The following ARHGAP27 variants were observed in gnomAD, a reference collection of about 807,000 sequenced individuals.
ARHGAP27 encodes rho GTPase-activating protein 27.
Under a neutral mutation model 102.0 loss-of-function variants are expected in ARHGAP27, and 53 were observed. The ratio of observed to expected loss-of-function variants is 0.52; its 90% CI spans 0.42 to 0.65. ARHGAP27 has a LOEUF of 0.65. ARHGAP27 is among the 30% of genes least tolerant of loss of function. The pLI is 0.00. For synonymous variants in ARHGAP27, 525 were observed against 542.8 expected (o/e 0.97, Z 0.46); for missense variants, 1,117 against 1,256.2 (o/e 0.89, Z 1.68).
chr17:45,422,857 A>G (rs919879897), intron 4 of ARHGAP27, among the ~76,000 whole-genome samples: 1 of 152,224 alleles, frequency 6.6e-6, no homozygotes, highest in African/African-American at 2.4e-5. Flanking sequence ...TTTGATGCAG[A>G]TAGTACCTTA....
chr17:45,429,419 A>C (rs746372185), intron 4 of ARHGAP27: 76 of 1,391,358 alleles, frequency 5.5e-5, no homozygotes, highest in Non-Finnish European at 6.9e-5. Context: ...GGAGCTTTGG[A>C]GCTTGGGAAT....
At position 45,429,965 on chromosome 17, in the gene ARHGAP27, G is replaced by A; in HGVS notation, c.315C>T (p.Gly105=). Residue 105 remains glycine, a synonymous_variant, in exon 4 of 20, where the codon GGC becomes GGT. Coordinates refer to ENST00000685559, the MANE Select transcript of ARHGAP27 (RefSeq NM_001282290.2). The part of the protein sequence containing the change: ...YRFVSAAATA[G]PDGAPEESGG... Reference sequence around the variant, plus strand: ...CGGACTCCTCGGGGGCGCCGTCGGGGCCCGCGGTCGCCGCCGCGCTCACAA... The same window carrying A: ...CGGACTCCTCGGGGGCGCCGTCGGGACCCGCGGTCGCCGCCGCGCTCACAA... 1 of 1,139,974 alleles carries A rather than the reference G, an allele frequency of 8.8e-7. No homozygotes were observed. The highest frequency in any genetic ancestry group is 1.1e-6 in the Non-Finnish European group (1 of 930,930). The allele number at this position is 1,139,974 out of a possible 1,614,324, so 70.6% of individuals were successfully genotyped here.
chr17:45,401,913 G>A (rs780816939), intron 12 of ARHGAP27, among the ~76,000 whole-genome samples: 1 of 152,016 alleles, frequency 6.6e-6, no homozygotes, highest in South Asian at 2.1e-4. Context: ...GTTTTTCATG[G>A]TCCTGGCTTT....
intron 12 of ARHGAP27, among the ~76,000 whole-genome samples, chr17:45,402,204 C>T (rs1483224244): frequency 1.3e-5 from 2 of 152,116 alleles, no homozygotes; most frequent in African/African-American, 4.8e-5. Context: ...AAGAGGTTTC[C>T]CAACCAGGCC....
rs529178569 is a variant in ARHGAP27, at chr17:45,403,842, G to A, written c.1548-133C>T. 2,320 of 982,394 alleles carry A rather than the reference G, an allele frequency of 2.4e-3. 6 individuals are homozygous for A. Among genetic ancestry groups the A allele is most frequent in the Middle Eastern group, 3.2e-3 (10 of 3,118 alleles). The allele number at this position is 982,394 out of a possible 1,614,324, so 60.9% of individuals were successfully genotyped here. ...ACCCCATTATGAGGGCTGGAATCCCGACTCTAACACCTAGCAGCCGAGGGA... is the reference window on the plus strand; with the variant it reads ...ACCCCATTATGAGGGCTGGAATCCCAACTCTAACACCTAGCAGCCGAGGGA... On this transcript the variant is annotated intron_variant, in intron 10 of 19. Transcript: ENST00000685559.
rs774394681 is a variant in ARHGAP27 at position 45,395,466 on chromosome 17, G to A, written c.2660C>T (p.Pro887Leu). 5 of 1,563,560 alleles carry A rather than the reference G, an allele frequency of 3.2e-6. No individual in the cohort carries two copies. In the African/African-American group the frequency reaches 6.8e-5, roughly 21 times the overall value. Residue 887 changes from proline (P) to leucine (L), a missense_variant, in exon 20 of 20, where the codon CCG becomes CTG. Transcript: ENST00000685559. Reference protein sequence around the residue: ...LILQQCADIFPPH With the variant: ...LILQQCADIFLPH ...GTCACAGGCCAGCAGTCAGTGCGGC[G>A]GGAAGATGTCCGCGCACTGCTGCAG...
intron 12 of ARHGAP27, among the ~76,000 whole-genome samples, chr17:45,399,486 G>T (rs1597773101): frequency 6.6e-6 from 1 of 151,894 alleles, no homozygotes; most frequent in Admixed American, 6.6e-5. Context: ...CAGCTACTCG[G>T]GAGGCTGAGG....
Position 45,427,918 on chromosome 17 carries a change from C to T in ARHGAP27, c.657+1705G>A, listed in dbSNP as rs1391428481. On this transcript the variant is annotated intron_variant, in intron 4 of 19. Coordinates refer to ENST00000685559, the MANE Select transcript of ARHGAP27 (RefSeq NM_001282290.2). This position sits in a 1 kb window ranked among gnomAD's most constrained non-coding sequence, Gnocchi z 4.5. Reference sequence around the variant, plus strand: ...CAGGCGCCCTGGCAGCCGGGGTGATCTGTCTTCTCAGGAGATGTCAGGACC... The same window carrying T: ...CAGGCGCCCTGGCAGCCGGGGTGATTTGTCTTCTCAGGAGATGTCAGGACC... 2.0e-5 allele frequency among the ~76,000 whole-genome samples: 3 copies of T among 152,226 alleles called. No homozygotes were observed. Among genetic ancestry groups the T allele is most frequent in the Admixed American group, 1.3e-4 (2 of 15,290 alleles).
chr17:45,396,147 G>A, intron 17 of ARHGAP27, 30 bp from the exon 18 acceptor site: 1 of 1,600,966 alleles, frequency 6.2e-7, no homozygotes, highest in Non-Finnish European at 8.5e-7. Flanking sequence ...GAGGACGGAA[G>A]GGAAATCAGT....
rs749117763 is a variant in ARHGAP27, at chr17:45,396,915, C to T, written c.1951+1G>A. On this transcript the variant is annotated splice_donor_variant, in intron 14 of 19. Coordinates refer to ENST00000685559, the MANE Select transcript of ARHGAP27 (RefSeq NM_001282290.2). LOFTEE classifies it high-confidence loss of function. ...CCCACCCCATCCTGCCTTGCGCACA[C>T]CTGCATTCGGTCGCGCGTCCTCCTC... The T allele has an allele frequency of 1.2e-6, 2 of 1,607,006 alleles. No individual in the cohort carries two copies. The highest frequency in any genetic ancestry group is 1.1e-5 in the South Asian group (1 of 91,082).
At position 45,396,481 on chromosome 17, in the gene ARHGAP27, A is replaced by T; in HGVS notation, c.2173+6T>A. 6.5e-7 allele frequency: 1 copy of T among 1,530,868 alleles called. No individual in the cohort carries two copies. Among genetic ancestry groups the T allele is most frequent in the Non-Finnish European group, 8.7e-7 (1 of 1,143,748 alleles). The allele number at this position is 1,530,868 out of a possible 1,614,324, so 94.8% of individuals were successfully genotyped here. A position where few individuals can be genotyped will look rare whatever the true frequency, so the allele number is the denominator to read the frequency against. ...CCTGCCGCCCTCACCCCCGCAGCGC[A>T]CGTACCGCGGGCCTCGACGGCGCGG... On this transcript the variant is annotated splice_donor_region_variant and intron_variant, in intron 16 of 19. Transcript: ENST00000685559.
intron 4 of ARHGAP27, among the ~76,000 whole-genome samples, chr17:45,407,073 C>G (rs113251269): frequency 5.3e-5 from 8 of 152,312 alleles, no homozygotes; most frequent in African/African-American, 1.9e-4. Context: ...ATTCACACCT[C>G]AGAGCTCCCT....
At chr17:45,431,345 C>A (rs2050047904) in intron 3 of ARHGAP27, among the ~76,000 whole-genome samples, 1 of 152,262 alleles carries the variant, frequency 6.6e-6, no homozygotes, top group Admixed American at 6.5e-5. Flanking sequence ...AACTCCCACA[C>A]TGACCACACC....
In ARHGAP27 at chr17:45,405,845, A is replaced by C; in HGVS notation, c.896T>G (p.Val299Gly). The change falls in exon 5 of 20, where the codon GTG becomes GGG. Residue 299 changes from valine (V) to glycine (G), a missense_variant. Val to Gly is a moderately radical substitution (Grantham distance 109, BLOSUM62 -3). This residue lies in a region of ARHGAP27 where 610 missense variants were observed against 716.4 expected (regional missense o/e 0.85). Transcript: ENST00000685559. The stretch of plus-strand genomic sequence containing the variant: ...CTGGCCCCACTCGGTCTCAAGGCTC[A>C]CGTGGCTGTCCACCGAGGCAGGGGA... ...ATSPASVDSH[V>G]SLETEWGQYW... The C allele has an allele frequency of 1.3e-6, 2 of 1,536,426 alleles. No individual in the cohort carries two copies. The highest frequency in any genetic ancestry group is 1.7e-6 in the Non-Finnish European group (2 of 1,146,944).
Position 45,404,372 on chromosome 17 carries a change from C to T in ARHGAP27, c.1414-38G>A, listed in dbSNP as rs770316026. Reference sequence around the variant, plus strand: ...ACAGATAGATCCCACCAAGTCCCTCCTCCCAGGAACTCCAGAAGCCCCCCA... The same window carrying T: ...ACAGATAGATCCCACCAAGTCCCTCTTCCCAGGAACTCCAGAAGCCCCCCA... On this transcript the variant is annotated intron_variant, in intron 8 of 19. Coordinates refer to ENST00000685559, the MANE Select transcript of ARHGAP27 (RefSeq NM_001282290.2). 3.1e-6 allele frequency: 5 copies of T among 1,613,562 alleles called. No individual in the cohort carries two copies. In the East Asian group the frequency reaches 8.9e-5, roughly 29 times the overall value.
chr17:45,407,519 C>CTTTTTTTTTT (rs3973543), intron 4 of ARHGAP27: 1 of 143,028 alleles, frequency 7.0e-6, no homozygotes, highest in African/African-American at 2.6e-5. Flanking sequence ...TCTTTTTTTT[C>CTTTTTTTTTT]TTTTTTTTTT....
intron 12 of ARHGAP27, among the ~76,000 whole-genome samples, chr17:45,400,812 C>T (rs910793586): frequency 5.9e-5 from 9 of 151,708 alleles, no homozygotes; most frequent in African/African-American, 1.7e-4. Context: ...CTACTCGGGA[C>T]GCTGAGGCAG....
rs780458224 is a variant in ARHGAP27, at chr17:45,429,681, T to A, written c.599A>T (p.Asn200Ile). 6.3e-7 allele frequency: 1 copy of A among 1,575,218 alleles called. No individual in the cohort carries two copies. The highest frequency in any genetic ancestry group is 1.8e-5 in the Admixed American group (1 of 55,548). ...PRPLARSDSE[N>I]VYEVIQDLHV... ...CAAGTCCTGGATGACCTCGTAGACG[T>A]TCTCTGAGTCGCTGCGCGCCAGAGG... The change falls in exon 4 of 20, where the codon AAC becomes ATC. Residue 200 changes from asparagine (N) to isoleucine (I), a missense_variant. Transcript: ENST00000685559.
chr17:45,403,943 A>ATT, intron 10 of ARHGAP27, 86 bp downstream of exon 10: 1 of 1,453,320 alleles, frequency 6.9e-7, no homozygotes, highest in Non-Finnish European at 9.5e-7. Context: ...GTGAGGATTA[A>ATT]TAAGAGCCTG....
Sources: allele counts gnomAD v4.1 joint callset (sites outside exome capture counted in the v4.1 genomes callset), GRCh38; gene constraint gnomAD v4.1.1; regional missense constraint gnomAD v4.1.1; non-coding constraint Gnocchi (gnomAD v3.1); transcripts MANE v1.5; gene names NCBI Gene and HGNC (gene_info 2026-07-23, HGNC 2026-07-21).